The following NUBPL variants were observed in gnomAD, a reference collection of about 807,000 sequenced individuals.
NUBPL encodes the protein NUBP iron-sulfur cluster assembly factor, mitochondrial.
NUBPL carries 31 observed loss-of-function variants against 45.7 expected under a neutral mutation model. The ratio of observed to expected loss-of-function variants is 0.68; its 90% confidence interval spans 0.51 to 0.92. NUBPL has a LOEUF of 0.92. NUBPL is among the 40% of genes least tolerant of loss of function. NUBPL has a pLI of 0.00. For synonymous variants in NUBPL, 144 were observed against 140.9 expected (o/e 1.02, Z -0.15); for missense variants, 401 against 398.7 (o/e 1.01, Z -0.05).
At chr14:31,734,510 A>G (rs556999555) in intron 6 of NUBPL, among the ~76,000 whole-genome samples, 2 of 152,348 alleles carry the variant, frequency 1.3e-5, no homozygotes, top group South Asian at 4.1e-4. Flanking sequence ...GTATTTCTCA[A>G]AAAAATTTTT....
At chr14:31,851,266 T>C (rs567791251) in intron 10 of NUBPL, among the ~76,000 whole-genome samples, 70 of 150,964 alleles carry the variant, frequency 4.6e-4, no homozygotes, top group South Asian at 4.6e-3. Context: ...CCTTAACTAA[T>C]GGGTATAGCT....
At chr14:31,811,470 A>C (rs554880107) in intron 7 of NUBPL, among the ~76,000 whole-genome samples, 3 of 152,252 alleles carry the variant, frequency 2.0e-5, no homozygotes, top group African/African-American at 7.2e-5. Flanking sequence ...CAGCTCCTTC[A>C]GGTCACTTAA....
At chr14:31,777,388 C>G (rs372215062) in intron 6 of NUBPL, among the ~76,000 whole-genome samples, 6 of 152,322 alleles carry the variant, frequency 3.9e-5, no homozygotes, top group African/African-American at 1.4e-4. Flanking sequence ...ATGAGAGGCA[C>G]TCAAATGTGT....
chr14:31,826,560 A>G, intron 7 of NUBPL, 69 bp from the exon 8 acceptor site: 1 of 1,373,804 alleles, frequency 7.3e-7, no homozygotes, highest in Non-Finnish European at 1.0e-6. Context: ...TATGTAAGCA[A>G]CATAATGCTG....
At chr14:31,790,685 A>G (rs2039364800) in intron 7 of NUBPL, among the ~76,000 whole-genome samples, 1 of 151,758 alleles carries the variant, frequency 6.6e-6, no homozygotes, top group Admixed American at 6.6e-5. Context: ...CCCCATCTCT[A>G]CTAAAAATGC....
chr14:31,706,587 A>G (rs768632487), intron 6 of NUBPL, among the ~76,000 whole-genome samples: 5 of 152,162 alleles, frequency 3.3e-5, no homozygotes, highest in African/African-American at 1.2e-4. Context: ...ATCTTCTACT[A>G]TCCCTTACTG....
intron 3 of NUBPL, among the ~76,000 whole-genome samples, chr14:31,566,436 CA>C (rs1210413368): frequency 6.6e-6 from 1 of 152,042 alleles, no homozygotes; most frequent in African/African-American, 2.4e-5. Flanking sequence ...ATTCAAATAT[CA>C]AGACAAAATT....
rs144534498 is a variant in NUBPL at position 31,582,048 on chromosome 14, G to A, written c.291+17000G>A. 3.2e-3 allele frequency among the ~76,000 whole-genome samples: 484 copies of A among 152,058 alleles called. 15 individuals carry two copies. Among genetic ancestry groups the A allele is most frequent in the Admixed American group, 0.027 (419 of 15,256 alleles). On this transcript the variant is annotated intron_variant, in intron 3 of 10. Transcript: ENST00000281081. Reference sequence around the variant, plus strand: ...GTTAGTCAATTCGTTTACTTTCATTGGCTTGAAATAGTGGTAAGCCTTGTT... The same window carrying A: ...GTTAGTCAATTCGTTTACTTTCATTAGCTTGAAATAGTGGTAAGCCTTGTT...
chr14:31,756,499 T>C (rs1225621464), intron 6 of NUBPL, among the ~76,000 whole-genome samples: 1 of 150,354 alleles, frequency 6.7e-6, no homozygotes, highest in Non-Finnish European at 1.5e-5. Context: ...TGGCTCTCTG[T>C]TTGTCTGTTA....
chr14:31,654,128 CAAT>C, intron 4 of NUBPL: 1 of 453,716 alleles, frequency 2.2e-6, no homozygotes, highest in East Asian at 7.0e-5. Context: ...GCAAGTGTCT[CAAT>C]AAAGTAAGCA....
chr14:31,637,079 T>A (rs562982014), intron 4 of NUBPL, among the ~76,000 whole-genome samples: 17 of 152,346 alleles, frequency 1.1e-4, no homozygotes, highest in African/African-American at 3.6e-4. Context: ...ATTTTGTGTC[T>A]CTATTTCCTT....
intron 4 of NUBPL, among the ~76,000 whole-genome samples, chr14:31,613,430 A>G (rs2034814110): frequency 6.6e-6 from 1 of 152,150 alleles, no homozygotes; most frequent in Non-Finnish European, 1.5e-5. Context: ...TTGTACATTT[A>G]AAAATAACTA....
intron 7 of NUBPL, among the ~76,000 whole-genome samples, chr14:31,812,983 CTTTTT>C (rs33986436): frequency 2.9e-5 from 3 of 105,102 alleles, no homozygotes; most frequent in African/African-American, 7.1e-5. Flanking sequence ...CTTGTTAGTT[CTTTTT>C]TTTTTTTTTT....
intron 4 of NUBPL, among the ~76,000 whole-genome samples, chr14:31,599,931 T>TTC (rs2034384568): frequency 1.3e-5 from 2 of 150,492 alleles, no homozygotes; most frequent in South Asian, 4.2e-4. Flanking sequence ...TTTCTTTTTT[T>TTC]TTTTTTTTGA....
intron 4 of NUBPL, among the ~76,000 whole-genome samples, chr14:31,637,288 G>A (rs1233492370): frequency 1.3e-5 from 2 of 152,136 alleles, no homozygotes; most frequent in Non-Finnish European, 2.9e-5. Context: ...GGTATGTTGT[G>A]TCTTTGTTCT....
In NUBPL at chr14:31,858,121, G is replaced by A. The variant is rs143679657; in HGVS notation, c.898-997G>A. Among the ~76,000 whole-genome samples the A allele has an allele frequency of 2.4e-3, 360 of 152,306 alleles. 4 individuals carry two copies. Among genetic ancestry groups the A allele is most frequent in the Non-Finnish European group, 6.8e-4 (46 of 68,034 alleles). The stretch of plus-strand genomic sequence containing the variant: ...GGTGAAAGGCAAGGAGGAACAAGTC[G>A]TCTTACATGGATGGTGGCAGGCAAA... On this transcript the variant is annotated intron_variant, in intron 10 of 10. Coordinates refer to ENST00000281081, the MANE Select transcript of NUBPL (RefSeq NM_025152.3).
intron 6 of NUBPL, among the ~76,000 whole-genome samples, chr14:31,730,915 C>T (rs1256668687): frequency 6.6e-6 from 1 of 151,664 alleles, no homozygotes; most frequent in Non-Finnish European, 1.5e-5. Context: ...AGTGCACAGG[C>T]AAAGATAATC....
At chr14:31,771,379 A>T (rs888906028) in intron 6 of NUBPL, among the ~76,000 whole-genome samples, 18 of 152,254 alleles carry the variant, frequency 1.2e-4, no homozygotes, top group Non-Finnish European at 2.2e-4. Context: ...TTTCTAACTT[A>T]CATTGTGTAA....
intron 6 of NUBPL, among the ~76,000 whole-genome samples, chr14:31,704,403 C>G (rs1463330757): frequency 6.6e-6 from 1 of 152,172 alleles, no homozygotes; most frequent in African/African-American, 2.4e-5. Context: ...GTGGCCCACG[C>G]CTGTAATCCC....
Sources: allele counts gnomAD v4.1 joint callset (sites outside exome capture counted in the v4.1 genomes callset), GRCh38; gene constraint gnomAD v4.1.1; transcripts MANE v1.5; gene names NCBI Gene and HGNC (gene_info 2026-07-23, HGNC 2026-07-21).